MED9: variants seen among roughly 807,000 people sequenced by gnomAD.
MED9 encodes mediator of RNA polymerase II transcription subunit 9.
Under a neutral mutation model 13.2 loss-of-function variants are expected in MED9, and 8 were observed. The observed-to-expected ratio is 0.61, with a 90% CI of 0.36 to 1.10. The LOEUF (loss-of-function observed/expected upper bound fraction) is 1.10. Among genes scored for constraint, MED9 ranks in the 50% least tolerant of loss-of-function variants. MED9 has a pLI of 0.02. For synonymous variants in MED9, 87 were observed against 82.8 expected (o/e 1.05, Z -0.28); for missense variants, 180 against 193.4 (o/e 0.93, Z 0.41).
At chr17:17,488,983 AAGGT>A (rs1905186068) in intron 1 of MED9, among the ~76,000 whole-genome samples, 1 of 152,278 alleles carries the variant, frequency 6.6e-6, no homozygotes, top group Admixed American at 6.5e-5. Context: ...CTTGAACACA[AAGGT>A]AGGCCCACTT....
intron 1 of MED9, among the ~76,000 whole-genome samples, chr17:17,490,187 G>T (rs947985121): frequency 6.6e-6 from 1 of 152,214 alleles, no homozygotes; most frequent in African/African-American, 2.4e-5. Flanking sequence ...TGTAATCCCA[G>T]CACTTTGGGA....
intron 1 of MED9, among the ~76,000 whole-genome samples, chr17:17,491,070 G>A (rs115807421): frequency 1.3e-5 from 2 of 152,192 alleles, no homozygotes; most frequent in Admixed American, 6.5e-5. Context: ...ATCTGCAAGT[G>A]TGCTAGGCCT....
Position 17,477,107 on chromosome 17 carries a change from G to A in MED9, c.66G>A (p.Gln22=), listed in dbSNP as rs1368628638. 2 of 1,606,950 alleles carry A rather than the reference G, an allele frequency of 1.2e-6. No individual in the cohort carries two copies. The highest frequency in any genetic ancestry group is 2.2e-5 in the South Asian group (2 of 90,620). The change falls in exon 1 of 2, where the codon CAG becomes CAA. Residue 22 remains glutamine (Q), a synonymous_variant. Transcript: ENST00000268711. ...ATGTATTGCCGCCAACGTCCGACCA[G>A]CCGCTGCCTGACACCAAGCCGCTGC... ...AEDVLPPTSD[Q]PLPDTKPLPP... is the part of the protein sequence containing the mutation.
chr17:17,490,487 G>T (rs73294326), intron 1 of MED9, among the ~76,000 whole-genome samples: 11,494 of 152,132 alleles, frequency 0.076, 883 homozygotes, highest in African/African-American at 0.2. Context: ...CTGTTTTTTT[G>T]ATCTTAAGTG....
intron 1 of MED9, among the ~76,000 whole-genome samples, chr17:17,490,328 C>G (rs546540708): frequency 1.3e-5 from 2 of 152,278 alleles, no homozygotes; most frequent in South Asian, 4.1e-4. Context: ...CCCAGCTACT[C>G]AGGAGGCTGA....
In MED9 at chr17:17,477,295, T is replaced by A. The variant is rs754969907; in HGVS notation, c.224+30T>A. The A allele has an allele frequency of 3.5e-5, 54 of 1,541,318 alleles. No individual in the cohort carries two copies. In the Middle Eastern group the frequency reaches 5.3e-4, roughly 15 times the overall value. The stretch of plus-strand genomic sequence containing the variant: ...GAACCTAGGAGAGGACCAGGCCCCA[T>A]ACTCCCTCCAGCTTCTCCTCTCAGC... On this transcript the variant is annotated intron_variant, in intron 1 of 1. Coordinates refer to ENST00000268711, the MANE Select transcript of MED9 (RefSeq NM_018019.3).
In MED9 at chr17:17,491,785, T is replaced by C; in HGVS notation, c.*290T>C. ...GGAGGCTGCAGAGGGGGTGGAGGAC[T>C]CTCCCCTGCCTCTGGGGAGGGGGCC... On this transcript the variant is annotated 3_prime_UTR_variant, in exon 2 of 2. Transcript: ENST00000268711. The C allele has an allele frequency of 2.5e-6, 1 of 406,702 alleles. No homozygotes were observed. The highest frequency in any genetic ancestry group is 4.6e-6 in the Non-Finnish European group (1 of 216,062). The allele number at this position is 406,702 out of a possible 1,614,324, so 25.2% of individuals were successfully genotyped here. A position where few individuals can be genotyped will look rare whatever the true frequency, so the allele number is the denominator to read the frequency against.
chr17:17,485,257 C>G (rs1368333874), intron 1 of MED9: 1 of 397,666 alleles, frequency 2.5e-6, no homozygotes, highest in Non-Finnish European at 4.4e-6. Flanking sequence ...GCCACCACGC[C>G]TTTGTAAAAA....
intron 1 of MED9, chr17:17,488,260 CAG>C (rs1372418897): frequency 2.0e-5 from 3 of 152,300 alleles, no homozygotes; most frequent in African/African-American, 7.2e-5. Flanking sequence ...GAAACTGAGT[CAG>C]ATGCCACCAA....
rs1417053425 is a variant in MED9, at chr17:17,491,580, T to A, written c.*85T>A. On this transcript the variant is annotated 3_prime_UTR_variant, in exon 2 of 2. Transcript: ENST00000268711. The stretch of plus-strand genomic sequence containing the variant: ...CCCCAAACGCTCCTTGGGGCGTGGT[T>A]CCTGTGGACCCCAGCTCAGCTCGTC... 1 of 1,285,676 alleles carries A rather than the reference T, an allele frequency of 7.8e-7. No homozygotes were observed. The highest frequency in any genetic ancestry group is 1.1e-6 in the Non-Finnish European group (1 of 903,926). 79.6% of individuals were successfully genotyped at this position (1,285,676 alleles called of 1,614,324 possible).
intron 1 of MED9, among the ~76,000 whole-genome samples, chr17:17,484,010 A>G (rs931681899): frequency 2.6e-5 from 4 of 152,184 alleles, no homozygotes; most frequent in African/African-American, 4.8e-5. Flanking sequence ...ATAAATCCCA[A>G]CTTTGAGACT....
At chr17:17,480,361 T>G (rs1905012619) in intron 1 of MED9, among the ~76,000 whole-genome samples, 1 of 150,642 alleles carries the variant, frequency 6.6e-6, no homozygotes, top group Non-Finnish European at 1.5e-5. Context: ...AAAAAAAGCC[T>G]AGTCAATTAA....
chr17:17,477,735 G>A (rs1904950943), intron 1 of MED9: 2 of 154,672 alleles, frequency 1.3e-5, no homozygotes, highest in African/African-American at 4.8e-5. Context: ...AGGAAAAAAA[G>A]ACATGATTGG....
chr17:17,479,691 G>C (rs1313190296), intron 1 of MED9, among the ~76,000 whole-genome samples: 1 of 152,182 alleles, frequency 6.6e-6, no homozygotes, highest in Non-Finnish European at 1.5e-5. Flanking sequence ...AGCCAGGCAT[G>C]GTGGTGTGTG....
intron 1 of MED9, among the ~76,000 whole-genome samples, chr17:17,477,999 A>C (rs1328918483): frequency 1.3e-5 from 2 of 152,154 alleles, no homozygotes; most frequent in African/African-American, 4.8e-5. Flanking sequence ...GTTTGCCTAA[A>C]TTATTATTTT....
At chr17:17,488,707 C>T (rs1905180157) in intron 1 of MED9, among the ~76,000 whole-genome samples, 1 of 152,150 alleles carries the variant, frequency 6.6e-6, no homozygotes, top group Admixed American at 6.5e-5. Flanking sequence ...GTAGCGCATG[C>T]CTGTAATCCC....
At chr17:17,489,963 C>T (rs1300786744) in intron 1 of MED9, among the ~76,000 whole-genome samples, 1 of 152,188 alleles carries the variant, frequency 6.6e-6, no homozygotes, top group East Asian at 1.9e-4. Flanking sequence ...TGAATTAGCA[C>T]CATCTGGGTT....
Position 17,491,428 on chromosome 17 carries a change from T to C in MED9, c.374T>C (p.Val125Ala). 2 of 1,613,976 alleles carry C rather than the reference T, an allele frequency of 1.2e-6. No homozygotes were observed. Among genetic ancestry groups the C allele is most frequent in the African/African-American group, 1.3e-5 (1 of 75,036 alleles). ...QQQLQSLREQ[V>A]RTKNELLQKY... ...CAGCTGCAGAGCCTCCGGGAGCAAG[T>C]CAGGACCAAGAATGAGCTTCTGCAA... The change falls in exon 2 of 2, where the codon GTC becomes GCC. Residue 125 changes from valine (V) to alanine (A), a missense_variant. Val to Ala is a moderately conservative substitution (Grantham distance 64, BLOSUM62 0). Transcript: ENST00000268711.
intron 1 of MED9, among the ~76,000 whole-genome samples, chr17:17,481,872 A>T (rs1253998026): frequency 6.6e-6 from 1 of 152,252 alleles, no homozygotes; most frequent in Non-Finnish European, 1.5e-5. Flanking sequence ...AATTTAGAGC[A>T]CTACGTCTTT....
Sources: allele counts gnomAD v4.1 joint callset (sites outside exome capture counted in the v4.1 genomes callset), GRCh38; gene constraint gnomAD v4.1.1; transcripts MANE v1.5; gene names NCBI Gene and HGNC (gene_info 2026-07-23, HGNC 2026-07-21).